The following TMEM178B variants were observed in gnomAD, a reference collection of about 807,000 sequenced individuals.
TMEM178B encodes transmembrane protein 178B.
TMEM178B carries 5 observed loss-of-function variants against 31.0 expected under a neutral mutation model. The observed-to-expected ratio is 0.16, with a 90% CI of 0.08 to 0.34. The LOEUF is 0.34. Ranked by LOEUF, TMEM178B falls within the 10% of genes least tolerant of loss-of-function variation. TMEM178B has a pLI of 1.00. For synonymous variants in TMEM178B, 164 were observed against 164.0 expected (o/e 1.00, Z 0.00); for missense variants, 275 against 400.3 (o/e 0.69, Z 2.67).
At chr7:141,116,584 A>G (rs986914071) in intron 1 of TMEM178B, among the ~76,000 whole-genome samples, 2 of 151,906 alleles carry the variant, frequency 1.3e-5, no homozygotes, top group African/African-American at 4.8e-5. Context: ...TGTTACATAC[A>G]TATACACGTG....
chr7:141,237,523 T>A (rs1443098562), intron 2 of TMEM178B, among the ~76,000 whole-genome samples: 1 of 152,178 alleles, frequency 6.6e-6, no homozygotes, highest in Non-Finnish European at 1.5e-5. Context: ...CTAGCTAGAA[T>A]GTTACAAGAT....
In TMEM178B at chr7:141,432,146, C is replaced by CTTTTTTTTTTTTTTTTTTTTTT. The variant is rs71170797; in HGVS notation, c.497-5455_497-5434dup. Among the ~76,000 whole-genome samples, 10 of 79,082 alleles carry CTTTTTTTTTTTTTTTTTTTTTT rather than the reference C, an allele frequency of 1.3e-4. 1 individual carries two copies. Among genetic ancestry groups the CTTTTTTTTTTTTTTTTTTTTTT allele is most frequent in the Admixed American group, 6.9e-4 (4 of 5,792 alleles). 51.9% of individuals were successfully genotyped at this position (79,082 alleles called of 152,430 possible). On this transcript the variant is annotated intron_variant, in intron 2 of 3. Transcript: ENST00000565468. Reference sequence around the variant, plus strand: ...TTTCTTTTTCTCTCCTTCACTGCATCTTTTTTTTTTTTTTTTTTTTTTTTT... The same window carrying CTTTTTTTTTTTTTTTTTTTTTT: ...TTTCTTTTTCTCTCCTTCACTGCATCTTTTTTTTTTTTTTTTTTTTTTTTTTTTTTTTTTTTTTTTTTTTTTT...
intron 2 of TMEM178B, among the ~76,000 whole-genome samples, chr7:141,231,662 C>T (rs1007275059): frequency 5.3e-5 from 8 of 152,222 alleles, no homozygotes; most frequent in African/African-American, 1.9e-4. Flanking sequence ...TGGAGACTTG[C>T]TGCTGCTTGG....
chr7:141,209,606 T>A (rs1185887077), intron 1 of TMEM178B, among the ~76,000 whole-genome samples: 1 of 152,144 alleles, frequency 6.6e-6, no homozygotes, highest in Non-Finnish European at 1.5e-5. Context: ...TCCCTGCCCT[T>A]GAGAAACTCA....
chr7:141,353,597 T>C (rs1018543196), intron 2 of TMEM178B, among the ~76,000 whole-genome samples: 1 of 152,222 alleles, frequency 6.6e-6, no homozygotes, highest in African/African-American at 2.4e-5. Context: ...ACTCAAAACA[T>C]ACACTATTAC....
At chr7:141,156,780 TA>T (rs1796077751) in intron 1 of TMEM178B, among the ~76,000 whole-genome samples, 1 of 152,136 alleles carries the variant, frequency 6.6e-6, no homozygotes, top group Non-Finnish European at 1.5e-5. Context: ...TTTGATGAGA[TA>T]GGGTGGGATG....
intron 2 of TMEM178B, among the ~76,000 whole-genome samples, chr7:141,256,495 T>C (rs1020422446): frequency 2.6e-5 from 4 of 152,096 alleles, no homozygotes; most frequent in Non-Finnish European, 5.9e-5. Context: ...GCGCAGTGGC[T>C]GAAGGTGAGA....
chr7:141,381,150 C>T lies in TMEM178B; in HGVS notation c.497-56458C>T, dbSNP rs116579801. On this transcript the variant is annotated intron_variant, in intron 2 of 3. Transcript: ENST00000565468. ...CTTGAAGTTGGGGCAAATGTAGCAT[C>T]GATGTGACTGTAATCTTTACATGGA... Among the ~76,000 whole-genome samples, 170 of 152,302 alleles carry T rather than the reference C, an allele frequency of 1.1e-3. 2 individuals carry two copies. Among genetic ancestry groups the T allele is most frequent in the African/African-American group, 3.9e-3 (161 of 41,566 alleles).
In TMEM178B at chr7:141,467,740, G is replaced by A. The variant is rs192985332; in HGVS notation, c.635-2796G>A. Among the ~76,000 whole-genome samples, 220 of 152,222 alleles carry A rather than the reference G, an allele frequency of 1.4e-3. 1 individual carries two copies. The highest frequency in any genetic ancestry group is 4.9e-3 in the African/African-American group (204 of 41,540). On this transcript the variant is annotated intron_variant, in intron 3 of 3. Coordinates refer to ENST00000565468, the MANE Select transcript of TMEM178B (RefSeq NM_001195278.2). Reference sequence around the variant, plus strand: ...TCATTTGGTCTGCCCTCCGACAGCCGCTCCTCAATGCGCCCTCACCACAGA... The same window carrying A: ...TCATTTGGTCTGCCCTCCGACAGCCACTCCTCAATGCGCCCTCACCACAGA...
chr7:141,187,679 T>G (rs1796632525), intron 1 of TMEM178B, among the ~76,000 whole-genome samples: 1 of 152,268 alleles, frequency 6.6e-6, no homozygotes, highest in Non-Finnish European at 1.5e-5. Flanking sequence ...GATTTGCATT[T>G]CTCTGATGGC....
intron 1 of TMEM178B, among the ~76,000 whole-genome samples, chr7:141,128,395 T>C (rs901450901): frequency 1.3e-5 from 2 of 152,148 alleles, no homozygotes; most frequent in Admixed American, 6.5e-5. Flanking sequence ...ACTTCTTTGG[T>C]CTTCAGACTT....
In TMEM178B at chr7:141,074,368, G is replaced by C. The variant is rs1381643972; in HGVS notation, c.58G>C (p.Gly20Arg). The C allele has an allele frequency of 6.5e-7, 1 of 1,536,126 alleles. No homozygotes were observed. The highest frequency in any genetic ancestry group is 8.7e-7 in the Non-Finnish European group (1 of 1,146,862). Residue 20 changes from glycine (G) to arginine (R), a missense_variant, in exon 1 of 4, where the codon GGC (glycine) becomes CGC (arginine). Gly to Arg is a moderately radical substitution (Grantham distance 125, BLOSUM62 -2). Transcript: ENST00000565468. The surrounding 1 kb of genome is among the most constrained non-coding windows in gnomAD (Gnocchi z 5.1). ...CCTCTCGCTAGCGCTCTGCGCCCTC[G>C]GCATGCTGGCCGTGGCCATCTGCTC... ...TGLSLALCALGMLAVAICSDH... is the reference protein window; with the variant it reads ...TGLSLALCALRMLAVAICSDH...
chr7:141,114,572 T>A (rs1410906738), intron 1 of TMEM178B, among the ~76,000 whole-genome samples: 1 of 152,248 alleles, frequency 6.6e-6, no homozygotes, highest in Admixed American at 6.5e-5. Flanking sequence ...GGTAAAATGC[T>A]CTCTCCTTCT....
At chr7:141,411,649 A>G (rs867071423) in intron 2 of TMEM178B, among the ~76,000 whole-genome samples, 5 of 152,242 alleles carry the variant, frequency 3.3e-5, no homozygotes, top group Admixed American at 2.6e-4. Context: ...GGCGCATTCA[A>G]TTTAAAAGTA....
chr7:141,332,167 T>G (rs928311706), intron 2 of TMEM178B, among the ~76,000 whole-genome samples: 2 of 152,232 alleles, frequency 1.3e-5, no homozygotes, highest in African/African-American at 4.8e-5. Context: ...GCCAAGACCC[T>G]CTTCCAAACT....
chr7:141,429,118 A>G (rs1208687385), intron 2 of TMEM178B, among the ~76,000 whole-genome samples: 2 of 152,214 alleles, frequency 1.3e-5, no homozygotes, highest in African/African-American at 2.4e-5. Context: ...AGATTCCTCA[A>G]AAAACTAAAA....
At chr7:141,481,665 A>G (rs1010388747), downstream of TMEM178B, among the ~76,000 whole-genome samples, 36 of 152,168 alleles carry the variant, frequency 2.4e-4, no homozygotes, top group Admixed American at 2.0e-3. Context: ...TTTAAAAAGT[A>G]AGTGCAGGTG....
intron 2 of TMEM178B, among the ~76,000 whole-genome samples, chr7:141,413,720 G>A (rs1461444780): frequency 6.6e-6 from 1 of 152,190 alleles, no homozygotes; most frequent in East Asian, 1.9e-4. Flanking sequence ...GAAAAGAGCT[G>A]TTTGAACTTC....
intron 1 of TMEM178B, among the ~76,000 whole-genome samples, chr7:141,168,432 G>A (rs1224319173): frequency 6.6e-6 from 1 of 152,060 alleles, no homozygotes; most frequent in African/African-American, 2.4e-5. Flanking sequence ...ACATCAAAGG[G>A]GCAAACTGAG....
Sources: allele counts gnomAD v4.1 joint callset (sites outside exome capture counted in the v4.1 genomes callset), GRCh38; gene constraint gnomAD v4.1.1; non-coding constraint Gnocchi (gnomAD v3.1); transcripts MANE v1.5; gene names NCBI Gene and HGNC (gene_info 2026-07-23, HGNC 2026-07-21).